LUZP2: variants seen among roughly 807,000 people sequenced by gnomAD.
LUZP2 encodes the protein leucine zipper protein 2.
Under a neutral mutation model 51.6 loss-of-function variants are expected in LUZP2, and 52 were observed. The ratio of observed to expected loss-of-function variants is 1.01; its 90% CI spans 0.81 to 1.27. LUZP2 has a LOEUF of 1.27. Among genes scored for constraint, LUZP2 ranks in the 50% most tolerant of loss-of-function variants. LUZP2 has a pLI of 0.00. For missense variants in LUZP2, 436 were observed against 395.4 expected, an observed-to-expected ratio of 1.10 and a Z score of -0.87; for synonymous variants, 154 against 137.3, an observed-to-expected ratio of 1.12 and a Z score of -0.85.
chr11:24,990,865 C>G (rs1347610322), intron 9 of LUZP2, among the ~76,000 whole-genome samples: 2 of 151,908 alleles, frequency 1.3e-5, no homozygotes, highest in Admixed American at 1.3e-4. Flanking sequence ...TGCTGGTGAA[C>G]TTCTACCCCC....
At chr11:24,592,363 G>A (rs541489765) in intron 1 of LUZP2, among the ~76,000 whole-genome samples, 2 of 152,234 alleles carry the variant, frequency 1.3e-5, no homozygotes, top group South Asian at 2.1e-4. Flanking sequence ...GGTAGCAGGA[G>A]TACTGTCAGC....
chr11:25,006,379 C>T (rs1297960537), intron 9 of LUZP2, among the ~76,000 whole-genome samples: 1 of 152,112 alleles, frequency 6.6e-6, no homozygotes, highest in Non-Finnish European at 1.5e-5. Flanking sequence ...CTGCTCATGG[C>T]CACAGGATCA....
intron 9 of LUZP2, among the ~76,000 whole-genome samples, chr11:24,995,614 A>T (rs1047789685): frequency 6.6e-5 from 10 of 151,322 alleles, no homozygotes; most frequent in Non-Finnish European, 1.0e-4. Flanking sequence ...ACAGATTTTT[A>T]AATTTAGTAG....
chr11:24,789,377 C>G (rs1849341499), intron 5 of LUZP2, among the ~76,000 whole-genome samples: 1 of 152,092 alleles, frequency 6.6e-6, no homozygotes, highest in Non-Finnish European at 1.5e-5. Flanking sequence ...TGCCTATTCC[C>G]TTCATTACTT....
intron 1 of LUZP2, among the ~76,000 whole-genome samples, chr11:24,649,606 A>G (rs941799727): frequency 2.6e-5 from 4 of 151,800 alleles, no homozygotes; most frequent in African/African-American, 7.2e-5. Flanking sequence ...TCACTAATAT[A>G]TTTTTGCTTT....
intron 1 of LUZP2, among the ~76,000 whole-genome samples, chr11:24,583,763 G>C (rs1012385571): frequency 1.3e-5 from 2 of 151,284 alleles, no homozygotes; most frequent in African/African-American, 4.9e-5. Flanking sequence ...GAGCTCAGTG[G>C]GGCGATCTCG....
chr11:24,926,261 GTA>G (rs1194771046), intron 7 of LUZP2, among the ~76,000 whole-genome samples: 1 of 53,416 alleles, frequency 1.9e-5, no homozygotes, highest in Non-Finnish European at 4.1e-5. Context: ...ATACGTGTGT[GTA>G]TATATATACG....
chr11:24,805,523 A>C (rs971035085), intron 5 of LUZP2, among the ~76,000 whole-genome samples: 1 of 152,106 alleles, frequency 6.6e-6, no homozygotes, highest in Admixed American at 6.6e-5. Flanking sequence ...TCCTTTGTCA[A>C]CATTCTCTTG....
chr11:25,042,648 G>T (rs1158178540), intron 9 of LUZP2, among the ~76,000 whole-genome samples: 3 of 152,166 alleles, frequency 2.0e-5, no homozygotes, highest in African/African-American at 7.2e-5. Flanking sequence ...TCTGAAATCT[G>T]CCAGGACTAT....
intron 1 of LUZP2, among the ~76,000 whole-genome samples, chr11:24,600,681 A>G (rs755419711): frequency 5.3e-5 from 8 of 152,132 alleles, no homozygotes; most frequent in Non-Finnish European, 1.5e-5. Flanking sequence ...CATTTTTAAT[A>G]TTAAGTAAGA....
At chr11:24,844,748 T>C (rs1031877856) in intron 5 of LUZP2, among the ~76,000 whole-genome samples, 1 of 152,134 alleles carries the variant, frequency 6.6e-6, no homozygotes, top group Admixed American at 6.6e-5. Context: ...ACTCCAGTCA[T>C]GGCTGAAAGA....
At chr11:24,825,260 TACTC>T (rs1850489608) in intron 5 of LUZP2, among the ~76,000 whole-genome samples, 1 of 152,258 alleles carries the variant, frequency 6.6e-6, no homozygotes, top group African/African-American at 2.4e-5. Context: ...ACTATATTCT[TACTC>T]AATTAAATGA....
chr11:24,955,111 G>A (rs189198980), intron 7 of LUZP2, among the ~76,000 whole-genome samples: 9 of 152,060 alleles, frequency 5.9e-5, no homozygotes, highest in South Asian at 2.1e-4. Flanking sequence ...ACTTACACCC[G>A]TAAAGATGGA....
At chr11:24,619,057 C>A (rs1854401210) in intron 1 of LUZP2, among the ~76,000 whole-genome samples, 1 of 151,394 alleles carries the variant, frequency 6.6e-6, no homozygotes, top group Non-Finnish European at 1.5e-5. Flanking sequence ...TGAGATAGGT[C>A]TTGCTTTTTT....
intron 7 of LUZP2, among the ~76,000 whole-genome samples, chr11:24,921,025 C>G (rs576762224): frequency 2.2e-4 from 34 of 152,164 alleles, no homozygotes; most frequent in African/African-American, 7.5e-4. Context: ...ACAATATTTA[C>G]ATAGCACTTA....
chr11:24,902,566 T>C (rs1431828893), intron 5 of LUZP2, among the ~76,000 whole-genome samples: 2 of 152,224 alleles, frequency 1.3e-5, no homozygotes, highest in African/African-American at 4.8e-5. Context: ...TGTTTAGCAC[T>C]GCTTGCTACT....
chr11:24,805,644 G>A (rs1849832480), intron 5 of LUZP2, among the ~76,000 whole-genome samples: 1 of 152,188 alleles, frequency 6.6e-6, no homozygotes, highest in South Asian at 2.1e-4. Context: ...AATAATCCCT[G>A]GAAGTATTTT....
chr11:24,613,927 G>A (rs10834404), intron 1 of LUZP2, among the ~76,000 whole-genome samples: 53,350 of 151,736 alleles, frequency 0.35, 9,500 homozygotes, highest in Middle Eastern at 0.43. Flanking sequence ...GAATTTAGAG[G>A]TGATCCTAAT....
intron 1 of LUZP2, among the ~76,000 whole-genome samples, chr11:24,594,750 CTTTTTTTTTT>C (rs61196514): frequency 1.3e-5 from 1 of 78,554 alleles, no homozygotes; most frequent in African/African-American, 5.7e-5. Context: ...GTTTGGGACA[CTTTTTTTTTT>C]TTTTTTTTTT....
Sources: gnomAD v4.1 joint callset for allele counts (sites outside exome capture counted in the v4.1 genomes callset) on GRCh38, gnomAD v4.1.1 for gene constraint, MANE v1.5 for transcripts, NCBI Gene and HGNC (gene_info 2026-07-23, HGNC 2026-07-21) for gene names.